Variants in YJU2B observed in about 807,000 individuals in gnomAD.
YJU2B encodes the protein probable splicing factor YJU2B.
A neutral mutation model predicts 38.0 loss-of-function variants in YJU2B; 18 were observed. The ratio of observed to expected loss-of-function variants is 0.47; its 90% CI spans 0.33 to 0.70. The LOEUF (loss-of-function observed/expected upper bound fraction) is 0.70, where lower values mean the gene tolerates loss of function less well. YJU2B is among the 30% of genes least tolerant of loss of function. YJU2B has a pLI of 0.02. For missense variants in YJU2B, 538 were observed against 556.3 expected, an observed-to-expected ratio of 0.97 and a Z score of 0.33; for synonymous variants, 246 against 225.4, an observed-to-expected ratio of 1.09 and a Z score of -0.82.
chr19:13,732,069 G>A (rs1271650422), intron 1 of YJU2B: 1 of 152,302 alleles, frequency 6.6e-6, no homozygotes, highest in Non-Finnish European at 1.5e-5. Flanking sequence ...TCAGAAGAGG[G>A]TAGGCTTTGT....
rs1347091331 is a variant in YJU2B, at chr19:13,751,763, T to C, written c.-46T>C. The C allele has an allele frequency of 6.2e-7, 1 of 1,612,810 alleles. No individual in the cohort carries two copies. The highest frequency in any genetic ancestry group is 2.2e-5 in the East Asian group (1 of 44,868). On this transcript the variant is annotated 5_prime_UTR_variant, in exon 2 of 10. Transcript: ENST00000221554. ...GTGCAGTGTGTTCACAAGGCCAGTT[T>C]CTGATCGTCCGCCCCGAGGCTGAGG...
chr19:13,737,838 T>C (rs1471838723), intron 2 of YJU2B, among the ~76,000 whole-genome samples: 1 of 151,948 alleles, frequency 6.6e-6, no homozygotes, highest in African/African-American at 2.4e-5. Context: ...TAGTCTCCTA[T>C]TGGACAGTTC....
intron 8 of YJU2B, chr19:13,759,579 A>ACCCCCCC (rs3059652): frequency 4.6e-6 from 1 of 219,598 alleles, no homozygotes; most frequent in Non-Finnish European, 8.8e-6. Context: ...GTGAGACACC[A>ACCCCCCC]CCCCCCCCCT....
intron 2 of YJU2B, among the ~76,000 whole-genome samples, chr19:13,752,029 G>C (rs1973487249): frequency 6.6e-6 from 1 of 152,136 alleles, no homozygotes; most frequent in Non-Finnish European, 1.5e-5. Context: ...TTTTGAGACA[G>C]TCTCACTTTG....
At chr19:13,759,693 A>G (rs148559657) in intron 8 of YJU2B, 2,190 of 152,308 alleles carry the variant, frequency 0.014, 46 homozygotes, top group African/African-American at 0.051. Flanking sequence ...CAGTGGCGCA[A>G]TCTTGGCTCA....
intron 3 of YJU2B, among the ~76,000 whole-genome samples, 175 bp from the exon 4 acceptor site, chr19:13,756,022 A>G (rs560984666): frequency 7.9e-5 from 12 of 152,204 alleles, no homozygotes; most frequent in Non-Finnish European, 1.8e-4. Flanking sequence ...CCAAGCCTAC[A>G]TGTTCCAGTA....
intron 2 of YJU2B, among the ~76,000 whole-genome samples, chr19:13,733,051 T>G (rs1252050177): frequency 6.6e-6 from 1 of 151,372 alleles, no homozygotes; most frequent in Non-Finnish European, 1.5e-5. Context: ...TGCCTCAGCC[T>G]CCCGAGTAGC....
At chr19:13,751,886 C>A in intron 2 of YJU2B, 75 bp downstream of exon 2, 1 of 1,371,542 alleles carries the variant, frequency 7.3e-7, no homozygotes, top group Non-Finnish European at 1.0e-6. Flanking sequence ...CCCTCCTCCC[C>A]TCCCAGAGCT....
intron 2 of YJU2B, among the ~76,000 whole-genome samples, chr19:13,740,889 G>T (rs541447777): frequency 6.6e-6 from 1 of 152,238 alleles, no homozygotes; most frequent in South Asian, 2.1e-4. Context: ...TGGGATGTCT[G>T]CCCAGCCCTA....
At chr19:13,759,393 C>A in intron 8 of YJU2B, 121 bp downstream of exon 8, 1 of 738,828 alleles carries the variant, frequency 1.4e-6, no homozygotes, top group East Asian at 2.7e-5. Context: ...GCCTCAGTTT[C>A]CCCATCTGCT....
At chr19:13,751,202 G>A (rs1973448760) in intron 1 of YJU2B, among the ~76,000 whole-genome samples, 1 of 152,124 alleles carries the variant, frequency 6.6e-6, no homozygotes, top group South Asian at 2.1e-4. Context: ...TGGATCATGA[G>A]GTAAAGAGAT....
chr19:13,737,021 A>G (rs1972965727), intron 2 of YJU2B, among the ~76,000 whole-genome samples: 1 of 103,922 alleles, frequency 9.6e-6, no homozygotes, highest in African/African-American at 4.0e-5. Flanking sequence ...AGCAAGACTC[A>G]TTCTCAAAAA....
chr19:13,739,440 T>G (rs1361146241), intron 2 of YJU2B, among the ~76,000 whole-genome samples: 1 of 150,154 alleles, frequency 6.7e-6, no homozygotes, highest in Non-Finnish European at 1.5e-5. Flanking sequence ...ACATTCACAT[T>G]AGCTGGAAAC....
chr19:13,758,709 T>C (rs1973761648), intron 6 of YJU2B, among the ~76,000 whole-genome samples, 159 bp from the exon 7 acceptor site: 1 of 151,932 alleles, frequency 6.6e-6, no homozygotes. Flanking sequence ...GGTGCCCGGA[T>C]GTGCCCCTTT....
chr19:13,753,213 T>A (rs559962923), intron 2 of YJU2B, among the ~76,000 whole-genome samples: 3 of 152,294 alleles, frequency 2.0e-5, no homozygotes, highest in Admixed American at 2.0e-4. Context: ...TCCTGCCCCC[T>A]GAGGCTGCAC....
chr19:13,747,381 G>A (rs758021488), upstream of YJU2B, among the ~76,000 whole-genome samples: 1 of 152,170 alleles, frequency 6.6e-6, no homozygotes, highest in Non-Finnish European at 1.5e-5. Context: ...AGTGGTTCAC[G>A]CCTGTAATCC....
intron 1 of YJU2B, among the ~76,000 whole-genome samples, chr19:13,750,077 G>A (rs1973398052): frequency 6.6e-6 from 1 of 152,150 alleles, no homozygotes; most frequent in South Asian, 2.1e-4. Flanking sequence ...TTACCCAGTT[G>A]ACATTTATCT....
chr19:13,756,236 C>T lies in YJU2B; in HGVS notation c.97C>T (p.Arg33Trp), dbSNP rs746627348. 2.4e-5 allele frequency: 38 copies of T among 1,614,102 alleles called. No homozygotes were observed. The highest frequency in any genetic ancestry group is 1.2e-4 in the Admixed American group (7 of 60,010). ...CCGATACCACAACAGCCACCCGCTT[C>T]GGGAGCGGGCTCGGAAGCTGTCACA... ...LNRYHNSHPL[R>W]ERARKLSQGI... Residue 33 changes from arginine (R) to tryptophan (W), a missense_variant, in exon 4 of 10, where the codon CGG (arginine) becomes TGG (tryptophan). Physicochemically the swap from Arg to Trp is moderately radical, Grantham distance 101. This residue lies in a region of YJU2B where 50 missense variants were observed against 86.9 expected (regional missense o/e 0.58). Coordinates refer to ENST00000221554, the MANE Select transcript of YJU2B (RefSeq NM_030818.4).
intron 2 of YJU2B, among the ~76,000 whole-genome samples, chr19:13,740,435 C>T (rs1014920156): frequency 1.3e-5 from 2 of 152,116 alleles, no homozygotes; most frequent in African/African-American, 4.8e-5. Context: ...TGGTCTTGAC[C>T]TCCTGGCCTC....
Sources: allele counts gnomAD v4.1 joint callset (sites outside exome capture counted in the v4.1 genomes callset), GRCh38; gene constraint gnomAD v4.1.1; regional missense constraint gnomAD v4.1.1; transcripts MANE v1.5; gene names NCBI Gene and HGNC (gene_info 2026-07-23, HGNC 2026-07-21).